GAL3ST2: variants seen among roughly 807,000 people sequenced by gnomAD.
GAL3ST2 encodes the protein galactose-3-O-sulfotransferase 2.
In GAL3ST2, 16 loss-of-function variants were observed where a neutral mutation model predicts 12.9. The ratio of observed to expected loss-of-function variants is 1.24; its 90% CI spans 0.84 to 1.88. GAL3ST2 has a LOEUF of 1.88. Ranked by LOEUF, GAL3ST2 falls within the 40% of genes most tolerant of loss-of-function variation. The pLI, the probability that GAL3ST2 is intolerant of heterozygous loss-of-function variation, is 0.00. For missense variants in GAL3ST2, 639 were observed against 571.8 expected (o/e 1.12, Z -1.20); for synonymous variants, 302 against 273.9 (o/e 1.10, Z -1.01).
intron 1 of GAL3ST2, among the ~76,000 whole-genome samples, chr2:241,781,103 C>A (rs1699560433): frequency 6.6e-6 from 1 of 152,134 alleles, no homozygotes; most frequent in Non-Finnish European, 1.5e-5. Context: ...AGATAGTTTC[C>A]AAATTCTGGA....
chr2:241,803,828 A>G lies in GAL3ST2; in HGVS notation c.859A>G (p.Asn287Asp). Residue 287 changes from asparagine to aspartate, a missense_variant, in exon 4 of 4, where the codon AAC (asparagine) becomes GAC (aspartate). By Grantham distance (23) the Asn-to-Asp change is conservative. Transcript: ENST00000192314. Reference protein sequence around the residue: ...ALDWRLYEHFNRTLWAQLRAE... With the variant: ...ALDWRLYEHFDRTLWAQLRAE... Reference sequence around the variant, plus strand: ...GGACTGGCGCCTGTACGAGCATTTCAACCGCACCCTCTGGGCGCAGCTGCG... The same window carrying G: ...GGACTGGCGCCTGTACGAGCATTTCGACCGCACCCTCTGGGCGCAGCTGCG... 6.7e-7 allele frequency: 1 copy of G among 1,488,416 alleles called. No individual in the cohort carries two copies. The highest frequency in any genetic ancestry group is 8.9e-7 in the Non-Finnish European group (1 of 1,127,728). 92.2% of individuals were successfully genotyped at this position (1,488,416 alleles called of 1,614,324 possible).
rs933976341 is a variant in GAL3ST2 at position 241,803,352 on chromosome 2, A to G, written c.383A>G (p.Lys128Arg). The G allele has an allele frequency of 7.5e-6, 12 of 1,597,158 alleles. No homozygotes were observed. The African/African-American group carries it at 1.5e-4, about 20-fold the overall frequency. ...CTCTCTGTCGCCACACAGGTGCAGA[A>G]AGTCATGCCCAACGACACCTTCTAC... ...HLRFNLPQVQKVMPNDTFYFS... is the reference protein window; with the variant it reads ...HLRFNLPQVQRVMPNDTFYFS... Residue 128 changes from lysine (K) to arginine (R), a missense_variant, in exon 4 of 4, where the codon AAA becomes AGA. Transcript: ENST00000192314.
chr2:241,802,646 G>C lies in GAL3ST2; in HGVS notation c.375+610G>C, dbSNP rs1699868498. 6.7e-6 allele frequency among the ~76,000 whole-genome samples: 1 copy of C among 150,290 alleles called. No homozygotes were observed. Among genetic ancestry groups the C allele is most frequent in the African/African-American group, 2.4e-5 (1 of 40,878 alleles). ...GGTGGGGGCTGCGGGGCAGAGGGAGGAGGAGGGGCCGGGAGGAGGGGAAAG... is the reference window on the plus strand; with the variant it reads ...GGTGGGGGCTGCGGGGCAGAGGGAGCAGGAGGGGCCGGGAGGAGGGGAAAG... On this transcript the variant is annotated intron_variant, in intron 3 of 3. Coordinates refer to ENST00000192314, the MANE Select transcript of GAL3ST2 (RefSeq NM_022134.3). The surrounding 1 kb of genome is among the most constrained non-coding windows in gnomAD (Gnocchi z 4.8).
chr2:241,787,109 G>C (rs1181858818), intron 1 of GAL3ST2, among the ~76,000 whole-genome samples: 1 of 152,062 alleles, frequency 6.6e-6, no homozygotes, highest in East Asian at 1.9e-4. Context: ...GCTTCAAGTT[G>C]TCCCATTTTG....
rs558855085 is a variant in GAL3ST2 at position 241,801,627 on chromosome 2, T to A, written c.120-154T>A. Reference sequence around the variant, plus strand: ...TGGAGTGGGGCAAGGATTGGGGCCATGGGTCGGTGCCTACCCAGTTGGCCC... The same window carrying A: ...TGGAGTGGGGCAAGGATTGGGGCCAAGGGTCGGTGCCTACCCAGTTGGCCC... On this transcript the variant is annotated intron_variant, in intron 2 of 3. Coordinates refer to ENST00000192314, the MANE Select transcript of GAL3ST2 (RefSeq NM_022134.3). The surrounding 1 kb of genome is among the most constrained non-coding windows in gnomAD (Gnocchi z 4.4). 6 of 946,316 alleles carry A rather than the reference T, an allele frequency of 6.3e-6. No homozygotes were observed. In the East Asian group the frequency reaches 1.3e-4, roughly 21 times the overall value. The allele number at this position is 946,316 out of a possible 1,614,324, so 58.6% of individuals were successfully genotyped here. A position where few individuals can be genotyped will look rare whatever the true frequency, so the allele number is the denominator to read the frequency against.
At chr2:241,788,341 G>A (rs531169975) in intron 1 of GAL3ST2, among the ~76,000 whole-genome samples, 1 of 152,266 alleles carries the variant, frequency 6.6e-6, no homozygotes, top group Non-Finnish European at 1.5e-5. Context: ...GAGCTACAAA[G>A]TTATGGGTGG....
chr2:241,778,330 C>A (rs563391968), intron 1 of GAL3ST2, among the ~76,000 whole-genome samples: 3 of 152,250 alleles, frequency 2.0e-5, no homozygotes. Flanking sequence ...ATTCAAGGAG[C>A]TGCCCAGAAC....
intron 1 of GAL3ST2, among the ~76,000 whole-genome samples, chr2:241,797,386 A>G (rs534572963): frequency 3.3e-5 from 5 of 152,376 alleles, no homozygotes; most frequent in South Asian, 4.1e-4. Flanking sequence ...GGCCATCACT[A>G]TATGTTTTTT....
chr2:241,801,651 C>A lies in GAL3ST2; in HGVS notation c.120-130C>A, dbSNP rs1041856619. 1.3e-4 allele frequency: 166 copies of A among 1,275,248 alleles called. 1 individual carries two copies. Among genetic ancestry groups the A allele is most frequent in the Non-Finnish European group, 1.6e-4 (154 of 941,664 alleles). 79.0% of individuals were successfully genotyped at this position (1,275,248 alleles called of 1,614,324 possible). On this transcript the variant is annotated intron_variant, in intron 2 of 3. Transcript: ENST00000192314. This position sits in a 1 kb window ranked among gnomAD's most constrained non-coding sequence, Gnocchi z 4.4. ...ATGGGTCGGTGCCTACCCAGTTGGC[C>A]CCCTGGCCTAGAGTTGGGGGGCTCA...
chr2:241,794,307 A>G (rs1348283352), intron 1 of GAL3ST2, among the ~76,000 whole-genome samples: 2 of 152,144 alleles, frequency 1.3e-5, no homozygotes, highest in East Asian at 3.9e-4. Flanking sequence ...AAGTTGCAGA[A>G]TTCTCCCCGA....
At position 241,801,997 on chromosome 2, in the gene GAL3ST2, C is replaced by T. The variant is rs1386107968; in HGVS notation, c.336C>T (p.Phe112=). ...AAGGCGTGGGGTCGCAGCAGCGCTT[C>T]AACATCATGTGCAACCACCTGAGGT... ...YVEGVGSQQR[F]NIMCNHLRFN... is the part of the protein sequence containing the mutation. The change falls in exon 3 of 4, where the codon TTC becomes TTT. Residue 112 remains phenylalanine, a synonymous_variant. Coordinates refer to ENST00000192314, the MANE Select transcript of GAL3ST2 (RefSeq NM_022134.3). The surrounding 1 kb of genome is among the most constrained non-coding windows in gnomAD (Gnocchi z 4.4). The T allele has an allele frequency of 1.2e-6, 2 of 1,612,706 alleles. No individual in the cohort carries two copies. The highest frequency in any genetic ancestry group is 1.7e-5 in the Admixed American group (1 of 59,958).
intron 1 of GAL3ST2, among the ~76,000 whole-genome samples, chr2:241,792,959 G>A (rs1699711276): frequency 6.6e-6 from 1 of 152,182 alleles, no homozygotes; most frequent in Non-Finnish European, 1.5e-5. Context: ...ACCTGCCTGT[G>A]ACCTGGAAGT....
intron 1 of GAL3ST2, among the ~76,000 whole-genome samples, chr2:241,787,540 C>CTTT (rs1553615866): frequency 4.4e-5 from 6 of 136,274 alleles, no homozygotes; most frequent in African/African-American, 1.4e-4. Context: ...ACTTCTCCTC[C>CTTT]TTTTTTTTTT....
intron 3 of GAL3ST2, 63 bp from the exon 4 acceptor site, chr2:241,803,282 C>T: frequency 1.4e-6 from 2 of 1,403,664 alleles, no homozygotes; most frequent in Non-Finnish European, 1.9e-6. Flanking sequence ...CGCCTCCTCC[C>T]CGCGGGTGGG....
chr2:241,789,094 ACGT>A (rs1300571103), intron 1 of GAL3ST2, among the ~76,000 whole-genome samples: 1 of 152,136 alleles, frequency 6.6e-6, no homozygotes, highest in Admixed American at 6.5e-5. Context: ...AAGAGCCCTA[ACGT>A]CGACCCCAAA....
rs144901775 is a variant in GAL3ST2 at position 241,793,119 on chromosome 2, C to T, written c.30-5946C>T. 2.4e-3 allele frequency among the ~76,000 whole-genome samples: 363 copies of T among 152,326 alleles called. 2 individuals are homozygous for T. The East Asian group carries it at 0.024, about 10-fold the overall frequency. On this transcript the variant is annotated intron_variant, in intron 1 of 3. Transcript: ENST00000192314. This position sits in a 1 kb window ranked among gnomAD's most constrained non-coding sequence, Gnocchi z 4.7. ...CTGTGCCCTGACCACCTTGGGCACA[C>T]GTCATCAGGACCTCCTGAGGCTGGG...
chr2:241,791,473 C>T (rs1396181892), intron 1 of GAL3ST2, among the ~76,000 whole-genome samples: 3 of 152,144 alleles, frequency 2.0e-5, no homozygotes, highest in African/African-American at 7.2e-5. Flanking sequence ...GGCCTCATAC[C>T]TTTGTCTACA....
chr2:241,787,350 C>G (rs987944346), intron 1 of GAL3ST2, among the ~76,000 whole-genome samples: 2 of 152,118 alleles, frequency 1.3e-5, no homozygotes, highest in African/African-American at 4.8e-5. Flanking sequence ...TTTAGGTTCA[C>G]ATTTTGGTAA....
At chr2:241,791,315 GC>G (rs1699691904) in intron 1 of GAL3ST2, among the ~76,000 whole-genome samples, 2 of 152,226 alleles carry the variant, frequency 1.3e-5, no homozygotes, top group African/African-American at 4.8e-5. Flanking sequence ...TTGTATAAGT[GC>G]AATAAGAATT....
Sources: allele counts gnomAD v4.1 joint callset (sites outside exome capture counted in the v4.1 genomes callset), GRCh38; gene constraint gnomAD v4.1.1; non-coding constraint Gnocchi (gnomAD v3.1); transcripts MANE v1.5; gene names NCBI Gene and HGNC (gene_info 2026-07-23, HGNC 2026-07-21).